Variants in HLCS observed in about 807,000 individuals in gnomAD.
The protein encoded by HLCS is biotin--protein ligase.
Under a neutral mutation model 75.0 loss-of-function variants are expected in HLCS, and 53 were observed. The observed-to-expected ratio is 0.71, with a 90% CI of 0.57 to 0.89. HLCS has a LOEUF of 0.89. HLCS is among the 40% of genes least tolerant of loss of function. The pLI is 0.00. For synonymous variants in HLCS, 431 were observed against 428.6 expected, an observed-to-expected ratio of 1.01 and a Z score of -0.07; for missense variants, 966 against 1,074.0, an observed-to-expected ratio of 0.90 and a Z score of 1.41.
chr21:36,765,067 T>A lies in HLCS; in HGVS notation c.2066A>T (p.Gln689Leu). 6.2e-7 allele frequency: 1 copy of A among 1,614,222 alleles called. No homozygotes were observed. The highest frequency in any genetic ancestry group is 2.2e-5 in the East Asian group (1 of 44,890). The change falls in exon 8 of 11, where the codon CAG (glutamine) becomes CTG (leucine). Residue 689 changes from glutamine (Q) to leucine (L), a missense_variant. Coordinates refer to ENST00000674895, the MANE Select transcript of HLCS (RefSeq NM_001352514.2). The stretch of plus-strand genomic sequence containing the variant: ...CACGACAGCCACGGACATCAGATGC[T>A]GGACAAACGGGATCCTCTGTCCCAG... ...SQLGQRIPFV[Q>L]HLMSVAVVEA...
At chr21:36,763,169 C>T (rs955227052) in intron 8 of HLCS, among the ~76,000 whole-genome samples, 6 of 152,178 alleles carry the variant, frequency 3.9e-5, no homozygotes, top group African/African-American at 1.4e-4. Flanking sequence ...AGATTACAGG[C>T]ACCCATCACC....
intron 1 of HLCS, among the ~76,000 whole-genome samples, chr21:36,978,224 G>A (rs2068996392): frequency 1.3e-5 from 2 of 152,146 alleles, no homozygotes; most frequent in Non-Finnish European, 2.9e-5. Flanking sequence ...GGCCAAACGC[G>A]GTGGTTCATG....
At chr21:36,917,564 T>C (rs563318338) in intron 5 of HLCS, among the ~76,000 whole-genome samples, 15 of 152,350 alleles carry the variant, frequency 9.8e-5, no homozygotes, top group Non-Finnish European at 2.1e-4. Context: ...TCTTGAATTT[T>C]GTCCAGTTCC....
intron 1 of HLCS, among the ~76,000 whole-genome samples, chr21:36,984,645 T>C (rs762983776): frequency 1.3e-4 from 20 of 152,232 alleles, no homozygotes; most frequent in Non-Finnish European, 2.4e-4. Flanking sequence ...ATAACAGGCA[T>C]TGGAGGCTCA....
At chr21:36,839,559 G>A (rs1458731138) in intron 6 of HLCS, among the ~76,000 whole-genome samples, 1 of 152,240 alleles carries the variant, frequency 6.6e-6, no homozygotes, top group Non-Finnish European at 1.5e-5. Context: ...GCAGATAGCA[G>A]CAGATGACCT....
intron 6 of HLCS, among the ~76,000 whole-genome samples, chr21:36,856,786 G>A (rs755626014): frequency 6.6e-5 from 10 of 152,132 alleles, no homozygotes; most frequent in Non-Finnish European, 1.2e-4. Context: ...CAAGTTATGA[G>A]GCGGGTATGA....
intron 2 of HLCS, among the ~76,000 whole-genome samples, chr21:36,941,065 A>C (rs1047253616): frequency 6.6e-6 from 1 of 152,198 alleles, no homozygotes; most frequent in Non-Finnish European, 1.5e-5. Context: ...CACAAAAATT[A>C]GCCAGGCGTT....
At chr21:36,868,961 A>G (rs1271188793) in intron 6 of HLCS, among the ~76,000 whole-genome samples, 1 of 152,152 alleles carries the variant, frequency 6.6e-6, no homozygotes, top group Non-Finnish European at 1.5e-5. Context: ...GTTTCTTCCA[A>G]TGAAAAACTG....
At chr21:36,885,577 G>A (rs1318273363) in intron 6 of HLCS, among the ~76,000 whole-genome samples, 3 of 151,608 alleles carry the variant, frequency 2.0e-5, no homozygotes, top group Non-Finnish European at 4.4e-5. Context: ...TTTCATGGAC[G>A]TCCACAGCAC....
chr21:36,813,670 A>C (rs1349857318), intron 6 of HLCS, among the ~76,000 whole-genome samples: 1 of 152,242 alleles, frequency 6.6e-6, no homozygotes, highest in African/African-American at 2.4e-5. Flanking sequence ...CAACTTATTA[A>C]ATGACATAAA....
intron 5 of HLCS, among the ~76,000 whole-genome samples, chr21:36,922,947 A>G (rs1184252324): frequency 6.6e-6 from 1 of 152,250 alleles, no homozygotes. Flanking sequence ...ACATTTATCA[A>G]ATGGGATTCG....
At chr21:36,938,371 C>A (rs1282483231) in intron 3 of HLCS, among the ~76,000 whole-genome samples, 1 of 152,184 alleles carries the variant, frequency 6.6e-6, no homozygotes, top group African/African-American at 2.4e-5. Context: ...CCAAAAAAAT[C>A]TTGACACATG....
chr21:36,900,389 A>G (rs1394451607), intron 5 of HLCS, among the ~76,000 whole-genome samples: 1 of 152,196 alleles, frequency 6.6e-6, no homozygotes, highest in East Asian at 1.9e-4. Flanking sequence ...CGGAGCAGGG[A>G]AAGAGCCTGA....
At chr21:36,821,256 T>C (rs1301702882) in intron 6 of HLCS, among the ~76,000 whole-genome samples, 1 of 152,160 alleles carries the variant, frequency 6.6e-6, no homozygotes, top group Non-Finnish European at 1.5e-5. Context: ...CAGGGGATCG[T>C]GCCTTGGGCA....
intron 6 of HLCS, among the ~76,000 whole-genome samples, chr21:36,888,684 C>T (rs2064637103): frequency 1.3e-5 from 2 of 151,318 alleles, no homozygotes; most frequent in South Asian, 4.2e-4. Context: ...GGCGTGGGCG[C>T]ATCACCAGGT....
At chr21:36,966,960 G>C (rs953228812), upstream of HLCS, among the ~76,000 whole-genome samples, 3 of 151,686 alleles carry the variant, frequency 2.0e-5, no homozygotes, top group Admixed American at 6.6e-5. Context: ...CACCCGGAGA[G>C]GGGGCTCGAG....
At chr21:36,810,748 C>G (rs2061488330) in intron 6 of HLCS, among the ~76,000 whole-genome samples, 1 of 152,122 alleles carries the variant, frequency 6.6e-6, no homozygotes, top group Admixed American at 6.5e-5. Flanking sequence ...CTAAAAGGAA[C>G]CAGAGTTCCT....
At chr21:36,824,907 A>G (rs1032075530) in intron 6 of HLCS, among the ~76,000 whole-genome samples, 3 of 152,260 alleles carry the variant, frequency 2.0e-5, no homozygotes, top group Non-Finnish European at 4.4e-5. Context: ...GTGCTCTGGC[A>G]GTAATGATCT....
chr21:36,792,618 C>T (rs149738765), intron 6 of HLCS, among the ~76,000 whole-genome samples: 1 of 152,256 alleles, frequency 6.6e-6, no homozygotes, highest in Non-Finnish European at 1.5e-5. Flanking sequence ...CAATGACAAT[C>T]CCCATTTGTA....
Sources: allele counts gnomAD v4.1 joint callset (sites outside exome capture counted in the v4.1 genomes callset), GRCh38; gene constraint gnomAD v4.1.1; transcripts MANE v1.5; gene names NCBI Gene and HGNC (gene_info 2026-07-23, HGNC 2026-07-21).